The following IMMP2L variants were observed in gnomAD, a reference collection of about 807,000 sequenced individuals.
IMMP2L encodes the protein inner mitochondrial membrane peptidase subunit 2, also known as mitochondrial inner membrane protease subunit 2.
In IMMP2L, 18 loss-of-function variants were observed where a neutral mutation model predicts 19.3. That is an observed-to-expected ratio of 0.93 (90% CI 0.64 to 1.38). The LOEUF (loss-of-function observed/expected upper bound fraction) is 1.38. IMMP2L is among the 40% of genes most tolerant of loss of function. IMMP2L has a pLI of 0.00. For synonymous variants in IMMP2L, 76 were observed against 73.0 expected (o/e 1.04, Z -0.21); for missense variants, 233 against 218.2 (o/e 1.07, Z -0.43).
intron 3 of IMMP2L, among the ~76,000 whole-genome samples, chr7:111,433,962 A>T (rs1836885442): frequency 6.6e-6 from 1 of 151,762 alleles, no homozygotes; most frequent in South Asian, 2.1e-4. Flanking sequence ...TTCATATGGA[A>T]ACAAAAAAGA....
intron 3 of IMMP2L, among the ~76,000 whole-genome samples, chr7:111,397,234 A>G (rs1832968740): frequency 6.6e-6 from 1 of 152,170 alleles, no homozygotes; most frequent in African/African-American, 2.4e-5. Flanking sequence ...TATAGTATAC[A>G]TCATTTTGTA....
intron 1 of IMMP2L, among the ~76,000 whole-genome samples, chr7:111,544,626 C>T (rs979495158): frequency 1.3e-5 from 2 of 152,098 alleles, no homozygotes; most frequent in African/African-American, 4.8e-5. Flanking sequence ...GTATTCTAGA[C>T]ATGTTCTATT....
intron 5 of IMMP2L, among the ~76,000 whole-genome samples, chr7:110,865,268 AC>A (rs1381856731): frequency 2.7e-4 from 41 of 152,082 alleles, no homozygotes; most frequent in Non-Finnish European, 4.9e-4. Context: ...ATTCTGACAA[AC>A]ACTAAATTTT....
intron 3 of IMMP2L, among the ~76,000 whole-genome samples, chr7:111,344,115 T>C (rs1346473925): frequency 1.3e-5 from 2 of 152,142 alleles, no homozygotes; most frequent in East Asian, 3.9e-4. Context: ...TATTTTAATA[T>C]AGAGCTGTCA....
At chr7:111,340,487 A>G (rs1020184377) in intron 3 of IMMP2L, among the ~76,000 whole-genome samples, 10 of 152,042 alleles carry the variant, frequency 6.6e-5, no homozygotes, top group Admixed American at 5.3e-4. Context: ...ACACATCTCT[A>G]ATGTCCACCA....
At chr7:110,865,238 T>C (rs942874263) in intron 5 of IMMP2L, among the ~76,000 whole-genome samples, 2 of 152,058 alleles carry the variant, frequency 1.3e-5, no homozygotes, top group South Asian at 4.1e-4. Context: ...TAAGTATTAA[T>C]TGAATGGGTG....
chr7:111,354,343 G>C (rs1828480485), intron 3 of IMMP2L, among the ~76,000 whole-genome samples: 1 of 151,792 alleles, frequency 6.6e-6, no homozygotes, highest in Non-Finnish European at 1.5e-5. Context: ...TTGATACCTA[G>C]TATCAAAGGC....
chr7:111,189,572 A>T (rs2129612716), intron 3 of IMMP2L, among the ~76,000 whole-genome samples: 1 of 152,208 alleles, frequency 6.6e-6, no homozygotes, highest in Non-Finnish European at 1.5e-5. Flanking sequence ...AAAAAAAAAT[A>T]AATAAATATT....
chr7:111,502,328 T>G (rs1427296188), intron 2 of IMMP2L, among the ~76,000 whole-genome samples: 12 of 152,082 alleles, frequency 7.9e-5, no homozygotes, highest in Non-Finnish European at 1.2e-4. Context: ...AGCAAGTCCT[T>G]AGTGACCTAC....
intron 4 of IMMP2L, among the ~76,000 whole-genome samples, chr7:110,913,872 C>T (rs1263883410): frequency 6.6e-6 from 1 of 152,142 alleles, no homozygotes; most frequent in Non-Finnish European, 1.5e-5. Context: ...TTGAAACTCA[C>T]AATTGCCCTT....
In IMMP2L at chr7:111,217,120, T is replaced by TCACACACA. The variant is rs1385796500; in HGVS notation, c.240-253556_240-253555insTGTGTGTG. Among the ~76,000 whole-genome samples the TCACACACA allele has an allele frequency of 1.8e-3, 250 of 137,858 alleles. 2 individuals are homozygous for TCACACACA. Among genetic ancestry groups the TCACACACA allele is most frequent in the African/African-American group, 7.0e-3 (232 of 33,210 alleles). 90.4% of individuals were successfully genotyped at this position (137,858 alleles called of 152,430 possible). Reference sequence around the variant, plus strand: ...CCGTCTCTCTCTCTCTCTCTCTCTCTCTCTCTCACACACACACACACACAC... The same window carrying TCACACACA: ...CCGTCTCTCTCTCTCTCTCTCTCTCTCACACACACTCTCTCACACACACACACACACAC... On this transcript the variant is annotated intron_variant, in intron 3 of 5. Transcript: ENST00000405709.
intron 3 of IMMP2L, among the ~76,000 whole-genome samples, chr7:111,049,439 T>C (rs1296560810): frequency 6.6e-6 from 1 of 152,050 alleles, no homozygotes; most frequent in Non-Finnish European, 1.5e-5. Flanking sequence ...CCGATTTTTA[T>C]GATACTTCTA....
chr7:110,827,837 A>G (rs1177582041), intron 5 of IMMP2L, among the ~76,000 whole-genome samples: 1 of 152,170 alleles, frequency 6.6e-6, no homozygotes. Flanking sequence ...ATCATCAAGA[A>G]TATATTATGA....
intron 3 of IMMP2L, among the ~76,000 whole-genome samples, chr7:111,057,107 C>T (rs1228105702): frequency 5.9e-5 from 9 of 152,210 alleles, no homozygotes; most frequent in Admixed American, 2.0e-4. Flanking sequence ...ATAAAGGACA[C>T]GACACTTTGG....
intron 5 of IMMP2L, among the ~76,000 whole-genome samples, chr7:110,719,735 A>C (rs1380158789): frequency 6.6e-6 from 1 of 152,224 alleles, no homozygotes; most frequent in Non-Finnish European, 1.5e-5. Context: ...TGATCTTCGC[A>C]GAAAATAAAC....
At chr7:111,542,597 C>T (rs1012336485) in intron 1 of IMMP2L, among the ~76,000 whole-genome samples, 13 of 152,092 alleles carry the variant, frequency 8.5e-5, no homozygotes, top group Non-Finnish European at 1.3e-4. Context: ...AAATATTCAA[C>T]ACTCCCAATA....
intron 3 of IMMP2L, among the ~76,000 whole-genome samples, chr7:111,141,491 T>A (rs2129598499): frequency 6.6e-6 from 1 of 152,084 alleles, no homozygotes; most frequent in African/African-American, 2.4e-5. Flanking sequence ...CTGCCTTAGC[T>A]TTATCTTTTT....
At chr7:111,275,260 A>AT (rs1244852959) in intron 3 of IMMP2L, among the ~76,000 whole-genome samples, 32 of 152,264 alleles carry the variant, frequency 2.1e-4, no homozygotes, top group African/African-American at 7.7e-4. Flanking sequence ...GACTTGGCCC[A>AT]AATGCTTCTC....
intron 5 of IMMP2L, among the ~76,000 whole-genome samples, chr7:110,811,688 T>C (rs1458957480): frequency 2.6e-5 from 4 of 152,088 alleles, no homozygotes; most frequent in Non-Finnish European, 5.9e-5. Context: ...TATGCAAACA[T>C]TGTAAACAAA....
Sources: allele counts gnomAD v4.1 joint callset (sites outside exome capture counted in the v4.1 genomes callset), GRCh38; gene constraint gnomAD v4.1.1; transcripts MANE v1.5; gene names NCBI Gene and HGNC (gene_info 2026-07-23, HGNC 2026-07-21).